Variants in NTM observed in about 807,000 individuals in gnomAD.
NTM encodes neurotrimin, also known as IgLON family member 2.
A neutral mutation model predicts 42.1 loss-of-function variants in NTM; 13 were observed. The ratio of observed to expected loss-of-function variants is 0.31; its 90% CI spans 0.20 to 0.49. The LOEUF (loss-of-function observed/expected upper bound fraction) is 0.49. Among genes scored for constraint, NTM ranks in the 20% least tolerant of loss-of-function variants. The probability of loss-of-function intolerance (pLI) is 0.99; values close to 1 mark genes in which losing one functional copy is unlikely to be tolerated. For synonymous variants in NTM, 187 were observed against 179.2 expected, an observed-to-expected ratio of 1.04 and a Z score of -0.35; for missense variants, 373 against 452.8, an observed-to-expected ratio of 0.82 and a Z score of 1.60.
chr11:132,180,203 G>A (rs1284939077), intron 3 of NTM, among the ~76,000 whole-genome samples: 1 of 152,092 alleles, frequency 6.6e-6, no homozygotes, highest in Non-Finnish European at 1.5e-5. Flanking sequence ...CATAATTTGT[G>A]AAAAGATGAA....
intron 7 of NTM, among the ~76,000 whole-genome samples, chr11:132,321,079 A>C (rs2095557704): frequency 6.6e-6 from 1 of 152,038 alleles, no homozygotes; most frequent in South Asian, 2.1e-4. Flanking sequence ...ATGGGGAAAA[A>C]ACAGAACAGA....
chr11:131,919,035 A>G (rs2056841451), intron 2 of NTM, among the ~76,000 whole-genome samples: 1 of 152,092 alleles, frequency 6.6e-6, no homozygotes. Flanking sequence ...CACCAATTCT[A>G]GGAGGATTCT....
intron 7 of NTM, chr11:132,314,927 T>G: frequency 7.6e-7 from 1 of 1,319,186 alleles, no homozygotes; most frequent in Non-Finnish European, 9.7e-7. Context: ...ACAGTTTACA[T>G]GTATACAAAG....
At chr11:131,690,860 C>G (rs73583675) in intron 1 of NTM, among the ~76,000 whole-genome samples, 1,905 of 152,314 alleles carry the variant, frequency 0.013, 52 homozygotes, top group African/African-American at 0.042. Flanking sequence ...GCTGTTTGTC[C>G]TGTCCACCCC....
intron 4 of NTM, among the ~76,000 whole-genome samples, chr11:132,237,243 C>T (rs1402212250): frequency 6.6e-6 from 1 of 152,204 alleles, no homozygotes; most frequent in Non-Finnish European, 1.5e-5. Flanking sequence ...CTCCTCACGT[C>T]ACCTTCTCTG....
At chr11:132,315,114 TGACTGTGG>T in intron 7 of NTM, 1 of 988,210 alleles carries the variant, frequency 1.0e-6, no homozygotes, top group Non-Finnish European at 1.2e-6. Context: ...GCTCCTAAGC[TGACTGTGG>T]GAATCATAAT....
intron 1 of NTM, among the ~76,000 whole-genome samples, chr11:131,394,028 T>C (rs933746151): frequency 6.6e-6 from 1 of 152,262 alleles, no homozygotes; most frequent in Admixed American, 6.5e-5. Context: ...CAGGAATTGA[T>C]GTATTCTCTG....
In NTM at chr11:131,598,753, TTC is replaced by T. The variant is rs1377662570; in HGVS notation, c.82+227867_82+227868del. 3.1e-3 allele frequency among the ~76,000 whole-genome samples: 204 copies of T among 65,174 alleles called. 3 individuals carry two copies. The highest frequency in any genetic ancestry group is 0.01 in the African/African-American group (199 of 19,554). 42.8% of individuals were successfully genotyped at this position (65,174 alleles called of 152,430 possible). On this transcript the variant is annotated intron_variant, in intron 1 of 8. Coordinates refer to ENST00000683400, the MANE Select transcript of NTM (RefSeq NM_001352005.2). ...TTTCTTTCTTTCTTTCTTTCTTTCT[TTC>T]TTCTTTCTTTTTTTCTTTCTTTCTT...
intron 4 of NTM, among the ~76,000 whole-genome samples, chr11:132,255,526 G>T (rs1430972664): frequency 6.6e-6 from 1 of 152,186 alleles, no homozygotes; most frequent in African/African-American, 2.4e-5. Context: ...ACAAAATCCA[G>T]AAAATGCCAA....
At chr11:131,952,762 AC>A (rs2134377658) in intron 2 of NTM, among the ~76,000 whole-genome samples, 1 of 152,352 alleles carries the variant, frequency 6.6e-6, no homozygotes, top group South Asian at 2.1e-4. Flanking sequence ...ACACAAAGAT[AC>A]CTATTACAAT....
At chr11:131,531,213 G>T (rs1044278424) in intron 1 of NTM, among the ~76,000 whole-genome samples, 1 of 152,156 alleles carries the variant, frequency 6.6e-6, no homozygotes, top group Non-Finnish European at 1.5e-5. Context: ...ATGGCTCACT[G>T]CAGCCTTGAT....
intron 3 of NTM, among the ~76,000 whole-genome samples, chr11:132,147,390 C>G (rs992373556): frequency 4.6e-5 from 7 of 152,192 alleles, no homozygotes; most frequent in Admixed American, 6.5e-5. Flanking sequence ...CACTTGGCCA[C>G]TTTCTGGCTG....
intron 1 of NTM, among the ~76,000 whole-genome samples, chr11:131,750,554 C>A (rs1400583189): frequency 2.0e-5 from 3 of 152,168 alleles, no homozygotes; most frequent in Non-Finnish European, 4.4e-5. Flanking sequence ...TCCTGACCAC[C>A]CCCTTTGCTA....
At chr11:132,197,317 C>G (rs576265778) in intron 3 of NTM, among the ~76,000 whole-genome samples, 2 of 152,206 alleles carry the variant, frequency 1.3e-5, no homozygotes, top group African/African-American at 4.8e-5. Flanking sequence ...TTTGGTTACA[C>G]AGAGATTGGG....
At chr11:132,224,026 T>C (rs1465255126) in intron 4 of NTM, among the ~76,000 whole-genome samples, 2 of 152,158 alleles carry the variant, frequency 1.3e-5, no homozygotes, top group East Asian at 1.9e-4. Context: ...ATATCAGTCA[T>C]TGGCAGAAAA....
At chr11:131,924,934 C>A (rs183554529) in intron 2 of NTM, among the ~76,000 whole-genome samples, 9 of 152,312 alleles carry the variant, frequency 5.9e-5, no homozygotes, top group Admixed American at 3.9e-4. Context: ...ATTACAATTT[C>A]TTGGCAAGAC....
chr11:131,840,359 TCTC>T, intron 1 of NTM, among the ~76,000 whole-genome samples: 1 of 152,208 alleles, frequency 6.6e-6, no homozygotes, highest in East Asian at 1.9e-4. Context: ...AAGAGCATGT[TCTC>T]CTGGAAGCCA....
intron 1 of NTM, among the ~76,000 whole-genome samples, chr11:131,688,096 G>C (rs1490982666): frequency 6.6e-6 from 1 of 152,196 alleles, no homozygotes; most frequent in African/African-American, 2.4e-5. Context: ...GCGCTGCCAG[G>C]CAGTTCTCAC....
In NTM at chr11:131,449,456, C is replaced by T. The variant is rs551230067; in HGVS notation, c.82+78568C>T. 2.6e-5 allele frequency among the ~76,000 whole-genome samples: 4 copies of T among 152,280 alleles called. No homozygotes were observed. The South Asian group carries it at 6.2e-4, about 24-fold the overall frequency. On this transcript the variant is annotated intron_variant, in intron 1 of 8. Transcript: ENST00000683400. ...GTCCAGTTTGAGGAAGGGACTTGCC[C>T]AGGGGTGCACAGCAGGCTGGTGGCA...
Sources: gnomAD v4.1 joint callset for allele counts (sites outside exome capture counted in the v4.1 genomes callset) on GRCh38, gnomAD v4.1.1 for gene constraint, MANE v1.5 for transcripts, NCBI Gene and HGNC (gene_info 2026-07-23, HGNC 2026-07-21) for gene names.